PCDHGA5: variants seen among roughly 807,000 people sequenced by gnomAD.
PCDHGA5 encodes the protein protocadherin gamma subfamily A, 5.
PCDHGA5 carries 36 observed loss-of-function variants against 56.7 expected under a neutral mutation model. The ratio of observed to expected loss-of-function variants is 0.64; its 90% CI spans 0.49 to 0.84. PCDHGA5 has a LOEUF of 0.84. Among genes scored for constraint, PCDHGA5 ranks in the 40% least tolerant of loss-of-function variants. The probability of loss-of-function intolerance (pLI) is 0.00; values close to 1 mark genes in which losing one functional copy is unlikely to be tolerated. For missense variants in PCDHGA5, 1,305 were observed against 1,201.5 expected (o/e 1.09, Z -1.27); for synonymous variants, 563 against 520.2 (o/e 1.08, Z -1.12).
chr5:141,482,736 C>T (rs897817817), intron 1 of PCDHGA5, among the ~76,000 whole-genome samples: 6 of 152,056 alleles, frequency 3.9e-5, no homozygotes, highest in African/African-American at 1.2e-4. Context: ...GCAAGAAATT[C>T]CATGCAGAGG....
rs949391796 is a variant in PCDHGA5 at position 141,493,050 on chromosome 5, A to G, written c.2422-1757A>G. 6.6e-6 allele frequency among the ~76,000 whole-genome samples: 1 copy of G among 152,262 alleles called. No homozygotes were observed. The highest frequency in any genetic ancestry group is 2.4e-5 in the African/African-American group (1 of 41,464). On this transcript the variant is annotated intron_variant, in intron 1 of 3. Coordinates refer to ENST00000518069, the MANE Select transcript of PCDHGA5 (RefSeq NM_018918.3). The surrounding 1 kb of genome is among the most constrained non-coding windows in gnomAD (Gnocchi z 4.3). Reference sequence around the variant, plus strand: ...CCCTTATGTGTGAGGAAACTACAATAGTAAAAAACACAAGTTTCTCCAACT... The same window carrying G: ...CCCTTATGTGTGAGGAAACTACAATGGTAAAAAACACAAGTTTCTCCAACT...
intron 1 of PCDHGA5, among the ~76,000 whole-genome samples, chr5:141,481,913 CAAAAAAA>C (rs34114744): frequency 2.2e-5 from 2 of 90,812 alleles, no homozygotes; most frequent in Admixed American, 1.2e-4. Context: ...AACTCCATCT[CAAAAAAA>C]AAAAAAAAAA....
At chr5:141,425,379 G>A (rs1330938768) in intron 1 of PCDHGA5, among the ~76,000 whole-genome samples, 7 of 152,152 alleles carry the variant, frequency 4.6e-5, no homozygotes, top group African/African-American at 4.8e-5. Context: ...ATGTTGATTC[G>A]GAGGTAGTGA....
At chr5:141,479,823 G>A (rs1208437635) in intron 1 of PCDHGA5, among the ~76,000 whole-genome samples, 1 of 152,172 alleles carries the variant, frequency 6.6e-6, no homozygotes, top group Admixed American at 6.5e-5. Context: ...TACTATCCAA[G>A]GCATGGTATC....
chr5:141,446,253 A>T (rs1452074783), intron 1 of PCDHGA5, among the ~76,000 whole-genome samples: 3 of 152,164 alleles, frequency 2.0e-5, no homozygotes, highest in African/African-American at 7.2e-5. Context: ...CTTCAGTGAA[A>T]TATTATTAAC....
intron 1 of PCDHGA5, chr5:141,418,309 G>A (rs756375907): frequency 6.2e-7 from 1 of 1,614,008 alleles, no homozygotes; most frequent in South Asian, 1.1e-5. Flanking sequence ...GCCTGGGGAT[G>A]GGAACAATTC....
Position 141,511,103 on chromosome 5 carries a change from A to G in PCDHGA5, c.2726A>G (p.Lys909Arg), listed in dbSNP as rs779731716. The G allele has an allele frequency of 6.2e-7, 1 of 1,614,214 alleles. No individual in the cohort carries two copies. The highest frequency in any genetic ancestry group is 8.5e-7 in the Non-Finnish European group (1 of 1,180,026). The change falls in exon 4 of 4, where the codon AAG becomes AGG. Residue 909 changes from lysine to arginine, a missense_variant. By Grantham distance (26) the Lys-to-Arg change is conservative. Coordinates refer to ENST00000518069, the MANE Select transcript of PCDHGA5 (RefSeq NM_018918.3). ...SNATLTNAAGKRDGKAPAGGN... is the reference protein window; with the variant it reads ...SNATLTNAAGRRDGKAPAGGN... ...GCCACACTGACCAACGCAGCTGGCA[A>G]GCGGGATGGCAAGGCCCCAGCAGGT...
Position 141,489,999 on chromosome 5 carries a change from GA to G in PCDHGA5, c.2422-4806del. On this transcript the variant is annotated intron_variant, in intron 1 of 3. Transcript: ENST00000518069. The surrounding 1 kb of genome is among the most constrained non-coding windows in gnomAD (Gnocchi z 4.5). ...CAGTTCTACGTGTGGGAATCCCAGA[GA>G]ATGCACCCATTGGTACTCTGCTGCT... 1 of 1,614,242 alleles carries G rather than the reference GA, an allele frequency of 6.2e-7. No individual in the cohort carries two copies. Among genetic ancestry groups the G allele is most frequent in the Non-Finnish European group, 8.5e-7 (1 of 1,180,032 alleles).
intron 1 of PCDHGA5, chr5:141,419,102 A>G (rs201327680): frequency 4.5e-5 from 73 of 1,613,748 alleles, no homozygotes; most frequent in Non-Finnish European, 5.9e-5. Flanking sequence ...TCGGGAGCAG[A>G]CCCCAGAGTA....
chr5:141,376,542 C>A, intron 1 of PCDHGA5: 1 of 1,612,918 alleles, frequency 6.2e-7, no homozygotes, highest in Non-Finnish European at 8.5e-7. Flanking sequence ...GAAGAGTAAT[C>A]TGATCTTCCC....
chr5:141,487,709 A>G lies in PCDHGA5; in HGVS notation c.2422-7098A>G. On this transcript the variant is annotated intron_variant, in intron 1 of 3. Coordinates refer to ENST00000518069, the MANE Select transcript of PCDHGA5 (RefSeq NM_018918.3). This position sits in a 1 kb window ranked among gnomAD's most constrained non-coding sequence, Gnocchi z 5.0. ...CCTAGAGAGTACTGGCCTCTCAGTA[A>G]GTGCCCATAGTGATGTCACCATTTT... is the stretch of plus-strand genomic sequence containing the variant. 6.3e-7 allele frequency: 1 copy of G among 1,586,184 alleles called. No individual in the cohort carries two copies. Among genetic ancestry groups the G allele is most frequent in the South Asian group, 1.1e-5 (1 of 87,958 alleles).
At chr5:141,451,113 C>T (rs2098707217) in intron 1 of PCDHGA5, among the ~76,000 whole-genome samples, 1 of 152,152 alleles carries the variant, frequency 6.6e-6, no homozygotes. Context: ...CAGGCGTGAG[C>T]CACCACACCC....
intron 1 of PCDHGA5, chr5:141,478,217 G>A: frequency 2.5e-6 from 4 of 1,614,094 alleles, no homozygotes. Flanking sequence ...TCTAATCCTG[G>A]TTTCTGTGGG....
intron 1 of PCDHGA5, chr5:141,408,303 G>T: frequency 1.2e-6 from 2 of 1,613,794 alleles, no homozygotes; most frequent in South Asian, 1.1e-5. Context: ...GAGCCGATCC[G>T]CTACTCGATT....
rs894528472 is a variant in PCDHGA5 at position 141,489,718 on chromosome 5, C to A, written c.2422-5089C>A. 6.2e-7 allele frequency: 1 copy of A among 1,614,038 alleles called. No individual in the cohort carries two copies. Among genetic ancestry groups the A allele is most frequent in the African/African-American group, 1.3e-5 (1 of 74,934 alleles). ...ATTCCCACTGGACAGTGCCCAGGATCCGGATGTGGGCACCAATACTGTGAG... is the reference window on the plus strand; with the variant it reads ...ATTCCCACTGGACAGTGCCCAGGATACGGATGTGGGCACCAATACTGTGAG... On this transcript the variant is annotated intron_variant, in intron 1 of 3. Coordinates refer to ENST00000518069, the MANE Select transcript of PCDHGA5 (RefSeq NM_018918.3). This position sits in a 1 kb window ranked among gnomAD's most constrained non-coding sequence, Gnocchi z 4.5.
rs925541311 is a variant in PCDHGA5 at position 141,431,452 on chromosome 5, G to C, written c.2422-63355G>C. 11 of 1,613,630 alleles carry C rather than the reference G, an allele frequency of 6.8e-6. No individual in the cohort carries two copies. The highest frequency in any genetic ancestry group is 9.3e-6 in the Non-Finnish European group (11 of 1,179,982). On this transcript the variant is annotated intron_variant, in intron 1 of 3. Transcript: ENST00000518069. The surrounding 1 kb of genome is among the most constrained non-coding windows in gnomAD (Gnocchi z 4.8). ...CAGGCACCGCGCGCATCCGCGTGAT[G>C]GTTCTGGATGCGAACGACAACGCAC...
chr5:141,371,942 G>A, intron 1 of PCDHGA5: 5 of 1,613,292 alleles, frequency 3.1e-6, no homozygotes, highest in South Asian at 2.2e-5. Flanking sequence ...TGGTGTTCGC[G>A]CAGCGAGCCT....
At chr5:141,374,785 T>A in intron 1 of PCDHGA5, 1 of 1,613,874 alleles carries the variant, frequency 6.2e-7, no homozygotes, top group Non-Finnish European at 8.5e-7. Context: ...CAGTTCTAGA[T>A]GTGAATGACA....
At chr5:141,427,898 C>T in intron 1 of PCDHGA5, 4 of 1,570,874 alleles carry the variant, frequency 2.5e-6, no homozygotes, top group African/African-American at 1.3e-5. Flanking sequence ...AGGGCTCGCC[C>T]GCGCTCAGCG....
Sources: gnomAD v4.1 joint callset for allele counts (sites outside exome capture counted in the v4.1 genomes callset) on GRCh38, gnomAD v4.1.1 for gene constraint, Gnocchi (gnomAD v3.1) non-coding constraint, MANE v1.5 for transcripts, NCBI Gene and HGNC (gene_info 2026-07-23, HGNC 2026-07-21) for gene names.